The following TTK variants were observed in gnomAD, a reference collection of about 807,000 sequenced individuals.
TTK encodes the protein dual specificity protein kinase TTK.
A neutral mutation model predicts 117.3 loss-of-function variants in TTK; 59 were observed. That is an observed-to-expected ratio of 0.50 (90% CI 0.41 to 0.62). The LOEUF is 0.62. Among genes scored for constraint, TTK ranks in the 20% least tolerant of loss-of-function variants. TTK has a pLI of 0.00. For synonymous variants in TTK, 302 were observed against 325.0 expected (o/e 0.93, Z 0.76); for missense variants, 921 against 989.4 (o/e 0.93, Z 0.93).
intron 4 of TTK, 69 bp from the exon 5 acceptor site, chr6:80,010,745 C>A: frequency 7.0e-7 from 1 of 1,437,736 alleles, no homozygotes; most frequent in Non-Finnish European, 9.3e-7. Context: ...CTGATGAATA[C>A]GTATCTGGGT....
intron 13 of TTK, among the ~76,000 whole-genome samples, chr6:80,030,362 G>C (rs1270672268): frequency 6.6e-6 from 1 of 152,208 alleles, no homozygotes; most frequent in African/African-American, 2.4e-5. Flanking sequence ...CTGAAAGTTT[G>C]CTGGGGAAGA....
At chr6:80,037,266 C>T (rs954724336) in intron 17 of TTK, among the ~76,000 whole-genome samples, 3 of 152,016 alleles carry the variant, frequency 2.0e-5, no homozygotes, top group East Asian at 1.9e-4. Context: ...GAATGATGGA[C>T]GACATGCCCT....
At chr6:80,028,297 T>TTTTATTTATTTA (rs147216592) in intron 13 of TTK, among the ~76,000 whole-genome samples, 32 of 146,686 alleles carry the variant, frequency 2.2e-4, no homozygotes, top group Non-Finnish European at 3.4e-4. Flanking sequence ...TATTTTTTAT[T>TTTTATTTATTTA]TTTATTTATT....
intron 2 of TTK, among the ~76,000 whole-genome samples, chr6:80,006,832 G>A (rs1043468489): frequency 3.9e-5 from 6 of 151,996 alleles, no homozygotes; most frequent in Admixed American, 6.6e-5. Context: ...AATTTAAAAC[G>A]ACAAAGCAAA....
In TTK at chr6:80,007,671, A is replaced by G. The variant is rs113049747; in HGVS notation, c.140-138A>G. 1.6e-3 allele frequency: 939 copies of G among 575,008 alleles called. 6 individuals are homozygous for G. Among genetic ancestry groups the G allele is most frequent in the African/African-American group, 0.016 (829 of 52,226 alleles). The allele number at this position is 575,008 out of a possible 1,614,324, so 35.6% of individuals were successfully genotyped here. On this transcript the variant is annotated intron_variant, in intron 2 of 21. Transcript: ENST00000369798. ...TACTTGTATTTATATGAACTTTTAC[A>G]ATTTTAAAAAGTATTATAAGGACTT...
chr6:80,042,328 C>G lies in TTK; in HGVS notation c.*126C>G, dbSNP rs1327270833. Reference sequence around the variant, plus strand: ...TGAAGTGTTATCAGCAAAAAAAATTCAGTAGATTATCTTTAAAAGAAAACT... The same window carrying G: ...TGAAGTGTTATCAGCAAAAAAAATTGAGTAGATTATCTTTAAAAGAAAACT... On this transcript the variant is annotated 3_prime_UTR_variant, in exon 22 of 22. Coordinates refer to ENST00000369798, the MANE Select transcript of TTK (RefSeq NM_003318.5). 1 of 642,654 alleles carries G rather than the reference C, an allele frequency of 1.6e-6. No individual in the cohort carries two copies. The highest frequency in any genetic ancestry group is 2.5e-6 in the Non-Finnish European group (1 of 397,328). The allele number at this position is 642,654 out of a possible 1,614,324, so 39.8% of individuals were successfully genotyped here.
At chr6:80,032,604 A>G (rs1276889449) in intron 14 of TTK, among the ~76,000 whole-genome samples, 1 of 152,136 alleles carries the variant, frequency 6.6e-6, no homozygotes, top group Non-Finnish European at 1.5e-5. Context: ...TTCCCATTTG[A>G]GTAAATGGCA....
chr6:80,038,423 C>T (rs1258817375), intron 18 of TTK, among the ~76,000 whole-genome samples: 1 of 152,088 alleles, frequency 6.6e-6, no homozygotes, highest in East Asian at 1.9e-4. Context: ...ATCAGTGTAA[C>T]CAAGTGGGTG....
chr6:80,035,654 CT>C (rs1767887045), intron 16 of TTK, among the ~76,000 whole-genome samples: 1 of 152,224 alleles, frequency 6.6e-6, no homozygotes, highest in Non-Finnish European at 1.5e-5. Flanking sequence ...ATGTATTTTT[CT>C]CAGTATTAAC....
At chr6:80,036,367 G>A (rs1029347757) in intron 16 of TTK, 108 bp from the exon 17 acceptor site, 4 of 1,275,246 alleles carry the variant, frequency 3.1e-6, no homozygotes, top group African/African-American at 3.0e-5. Context: ...TATTGAATTG[G>A]GTTCACTAAT....
chr6:80,029,029 G>C (rs1488712663), intron 13 of TTK, among the ~76,000 whole-genome samples: 1 of 152,140 alleles, frequency 6.6e-6, no homozygotes, highest in Non-Finnish European at 1.5e-5. Flanking sequence ...TCCTAATACA[G>C]AGCATGACAC....
intron 19 of TTK, 95 bp downstream of exon 19, chr6:80,039,967 A>G: frequency 9.0e-7 from 1 of 1,106,902 alleles, no homozygotes; most frequent in African/African-American, 1.6e-5. Context: ...TGTTCTATTC[A>G]AAAGAATTGC....
intron 11 of TTK, among the ~76,000 whole-genome samples, chr6:80,024,893 G>T (rs1303129764): frequency 2.0e-5 from 3 of 151,872 alleles, no homozygotes; most frequent in Admixed American, 1.3e-4. Flanking sequence ...CTTGCAAAAG[G>T]CCTGCTCTTT....
chr6:80,007,355 A>C (rs1337723745), intron 2 of TTK, among the ~76,000 whole-genome samples: 2 of 152,162 alleles, frequency 1.3e-5, no homozygotes, highest in African/African-American at 4.8e-5. Context: ...GGTTGTAAAG[A>C]AGGTTATGTT....
chr6:80,028,692 G>T (rs975215838), intron 13 of TTK, among the ~76,000 whole-genome samples: 7 of 152,052 alleles, frequency 4.6e-5, no homozygotes, highest in Admixed American at 3.9e-4. Flanking sequence ...CAATTCATTT[G>T]GAAATGTAAA....
chr6:80,017,771 T>G (rs1434053440), intron 10 of TTK, among the ~76,000 whole-genome samples: 3 of 152,152 alleles, frequency 2.0e-5, no homozygotes, highest in Admixed American at 2.0e-4. Flanking sequence ...ATAAAGAAAT[T>G]TGGGAGAAAC....
chr6:80,023,201 GC>G (rs774524454), intron 11 of TTK, among the ~76,000 whole-genome samples: 2 of 152,238 alleles, frequency 1.3e-5, no homozygotes, highest in East Asian at 1.9e-4. Flanking sequence ...AATTATCAGT[GC>G]CCCTAAAGAG....
chr6:80,010,837 C>T lies in TTK; in HGVS notation c.493C>T (p.Leu165Phe). The change falls in exon 5 of 22, where the codon CTT becomes TTT. Residue 165 changes from leucine to phenylalanine, a missense_variant. Physicochemically the swap from Leu to Phe is conservative, Grantham distance 22 (BLOSUM62 0). Transcript: ENST00000369798. Reference sequence around the variant, plus strand: ...AGGTAATGTCAAAAAAAGTAAACAACTTCTTCAAAAAGCTGTAGAACGTGG... The same window carrying T: ...AGGTAATGTCAAAAAAAGTAAACAATTTCTTCAAAAAGCTGTAGAACGTGG... ...SQGNVKKSKQ[L>F]LQKAVERGAV... The T allele has an allele frequency of 6.2e-7, 1 of 1,610,154 alleles. No individual in the cohort carries two copies.
At position 80,039,845 on chromosome 6, in the gene TTK, A is replaced by G. The variant is rs1434842382; in HGVS notation, c.2280A>G (p.Pro760=). The G allele has an allele frequency of 1.3e-6, 2 of 1,579,516 alleles. No homozygotes were observed. The highest frequency in any genetic ancestry group is 1.7e-6 in the Non-Finnish European group (2 of 1,165,656). The change falls in exon 19 of 22, where the codon CCA becomes CCG. Residue 760 remains proline, a synonymous_variant. Transcript: ENST00000369798. ...PNHEIEFPDI[P]EKDLQDVLKC... ...ATGAAATTGAATTTCCCGATATTCC[A>G]GAGAAAGATCTTCAAGATGTGTTAA...
Sources: allele counts gnomAD v4.1 joint callset (sites outside exome capture counted in the v4.1 genomes callset), GRCh38; gene constraint gnomAD v4.1.1; transcripts MANE v1.5; gene names NCBI Gene and HGNC (gene_info 2026-07-23, HGNC 2026-07-21).